PCDHA4: variants seen among roughly 807,000 people sequenced by gnomAD.
PCDHA4 encodes the protein protocadherin alpha 4, also known as protocadherin alpha-4.
In PCDHA4, 49 loss-of-function variants were observed where a neutral mutation model predicts 61.4. That is an observed-to-expected ratio of 0.80 (90% confidence interval 0.63 to 1.01). The LOEUF (loss-of-function observed/expected upper bound fraction) is 1.01. Ranked by LOEUF, PCDHA4 falls within the 50% of genes least tolerant of loss-of-function variation. The probability of loss-of-function intolerance (pLI) is 0.00; values close to 1 mark genes in which losing one functional copy is unlikely to be tolerated. For synonymous variants in PCDHA4, 590 were observed against 550.3 expected, an observed-to-expected ratio of 1.07 and a Z score of -1.01; for missense variants, 1,254 against 1,235.8, an observed-to-expected ratio of 1.01 and a Z score of -0.22.
rs1764306295 is a variant in PCDHA4, at chr5:140,808,927, G to T, written c.1740G>T (p.Leu580=). The T allele has an allele frequency of 6.2e-7, 1 of 1,613,590 alleles. No homozygotes were observed. The highest frequency in any genetic ancestry group is 1.3e-5 in the African/African-American group (1 of 74,938). ...GCACTGGTGGCGCAGTGAGCGAGCT[G>T]GTGCCATGGTCGGTGGGTGTGGGCC... is the stretch of plus-strand genomic sequence containing the variant. ...AGGTGGAVSE[L]VPWSVGVGHV... Residue 580 remains leucine, a synonymous_variant, in exon 1 of 4, where the codon CTG becomes CTT. Coordinates refer to ENST00000530339, the MANE Select transcript of PCDHA4 (RefSeq NM_018907.4).
intron 1 of PCDHA4, among the ~76,000 whole-genome samples, chr5:140,844,363 T>A (rs1464433937): frequency 6.7e-6 from 1 of 149,592 alleles, no homozygotes; most frequent in Non-Finnish European, 1.5e-5. Context: ...GGAAGAGATT[T>A]GTAATCCTTC....
At chr5:140,969,638 G>A (rs1461834971) in intron 1 of PCDHA4, 1 of 210,658 alleles carries the variant, frequency 4.7e-6, no homozygotes, top group African/African-American at 2.4e-5. Context: ...ACAGGCCTTG[G>A]AATAGGGATT....
intron 1 of PCDHA4, chr5:140,830,232 C>T (rs782042680): frequency 1.9e-6 from 3 of 1,613,928 alleles, no homozygotes; most frequent in East Asian, 2.2e-5. Context: ...CTGGTCCTCA[C>T]GCTACTGCTG....
chr5:140,870,554 A>G (rs1554164402), intron 1 of PCDHA4: 1 of 1,614,044 alleles, frequency 6.2e-7, no homozygotes, highest in Non-Finnish European at 8.5e-7. Flanking sequence ...GCGGACGCGC[A>G]GGAGAACGCG....
Position 140,849,589 on chromosome 5 carries a change from T to C in PCDHA4, c.2385+40017T>C, listed in dbSNP as rs2150441752. On this transcript the variant is annotated intron_variant, in intron 1 of 3. Transcript: ENST00000530339. The stretch of plus-strand genomic sequence containing the variant: ...GTTCCTGTAAAAGAGGACGCACAAC[T>C]GGGGACAGTTATTGCCCTGATTAGT... 3.8e-6 allele frequency: 6 copies of C among 1,598,582 alleles called. No individual in the cohort carries two copies. The Admixed American group carries it at 6.7e-5, about 18-fold the overall frequency.
Position 140,808,686 on chromosome 5 carries a change from G to C in PCDHA4, c.1499G>C (p.Gly500Ala). Residue 500 changes from glycine (G) to alanine (A), a missense_variant, in exon 1 of 4, where the codon GGG becomes GCG. Transcript: ENST00000530339. ...TACTCGCTGGTAGAGCGGCGGGTAG[G>C]GGAGCGCGCGCTGTCGAGCTACGTT... ...VSYSLVERRV[G>A]ERALSSYVSV... The C allele has an allele frequency of 6.2e-7, 1 of 1,612,398 alleles. No individual in the cohort carries two copies. Among genetic ancestry groups the C allele is most frequent in the Non-Finnish European group, 8.5e-7 (1 of 1,179,824 alleles).
chr5:140,856,146 C>CA, intron 1 of PCDHA4: 2 of 1,598,308 alleles, frequency 1.3e-6, no homozygotes, highest in Non-Finnish European at 1.7e-6. Context: ...CTCCACTACT[C>CA]AGTCTACGAG....
intron 3 of PCDHA4, among the ~76,000 whole-genome samples, chr5:140,995,258 A>C (rs2097672609): frequency 6.6e-6 from 1 of 152,164 alleles, no homozygotes; most frequent in Non-Finnish European, 1.5e-5. Flanking sequence ...AGGGTACTTG[A>C]ATACAAGCCC....
At chr5:140,869,453 T>C in intron 1 of PCDHA4, 1 of 1,614,214 alleles carries the variant, frequency 6.2e-7, no homozygotes, top group Non-Finnish European at 8.5e-7. Flanking sequence ...CTGCAGGTTT[T>C]CCATGTGAAC....
At chr5:140,992,606 G>A (rs1554253052) in intron 3 of PCDHA4, among the ~76,000 whole-genome samples, 1 of 152,188 alleles carries the variant, frequency 6.6e-6, no homozygotes. Flanking sequence ...CTGTGTCTAA[G>A]TGAAAGCAGA....
chr5:140,928,161 C>T (rs155820), intron 1 of PCDHA4: 1 of 1,613,960 alleles, frequency 6.2e-7, no homozygotes, highest in South Asian at 1.1e-5. Context: ...GTGGCTCACC[C>T]CCACTTAGCA....
intron 1 of PCDHA4, among the ~76,000 whole-genome samples, chr5:140,895,352 G>A (rs1322887367): frequency 7.9e-5 from 12 of 151,916 alleles, no homozygotes; most frequent in African/African-American, 2.9e-4. Flanking sequence ...GCTTTCCAGT[G>A]AGTACTTATT....
chr5:140,927,235 C>T (rs1478545930), intron 1 of PCDHA4: 7 of 1,614,034 alleles, frequency 4.3e-6, no homozygotes, highest in Non-Finnish European at 5.9e-6. Flanking sequence ...GATTCACGTC[C>T]TGGACACCAA....
At chr5:140,982,589 T>C in intron 3 of PCDHA4, 26 bp downstream of exon 3, 1 of 1,610,940 alleles carries the variant, frequency 6.2e-7, no homozygotes, top group Non-Finnish European at 8.5e-7. Context: ...CTCTCCATTC[T>C]TTCTTGGTTT....
At chr5:140,861,560 C>T in intron 1 of PCDHA4, 2 of 391,164 alleles carry the variant, frequency 5.1e-6, no homozygotes, top group African/African-American at 2.1e-5. Flanking sequence ...TGATCGTGGA[C>T]AAGCTGCTAC....
intron 1 of PCDHA4, among the ~76,000 whole-genome samples, chr5:140,947,169 G>GTA (rs1235035694): frequency 1.3e-5 from 2 of 150,968 alleles, no homozygotes; most frequent in Non-Finnish European, 3.0e-5. Context: ...AGAAAATGTG[G>GTA]TATATATTCA....
intron 1 of PCDHA4, chr5:140,828,247 G>A: frequency 5.0e-6 from 8 of 1,613,980 alleles, no homozygotes; most frequent in Non-Finnish European, 6.8e-6. Flanking sequence ...CGCAGGACCT[G>A]GGGCTGGAGC....
rs782026939 is a variant in PCDHA4, at chr5:140,883,016, A to T, written c.2385+73444A>T. 6.8e-6 allele frequency: 11 copies of T among 1,614,158 alleles called. No individual in the cohort carries two copies. The Admixed American group carries it at 1.7e-4, about 24-fold the overall frequency. On this transcript the variant is annotated intron_variant, in intron 1 of 3. Coordinates refer to ENST00000530339, the MANE Select transcript of PCDHA4 (RefSeq NM_018907.4). ...ATTTTACCAATCCGTTTATAAAGTG[A>T]CGGTGTTAGAGAACGCCTTCAATGG...
chr5:140,960,628 T>C (rs1474502656), intron 1 of PCDHA4, among the ~76,000 whole-genome samples: 1 of 152,192 alleles, frequency 6.6e-6, no homozygotes, highest in Non-Finnish European at 1.5e-5. Context: ...TTTTGAAATA[T>C]ATTTTTAAAA....
Sources: allele counts gnomAD v4.1 joint callset (sites outside exome capture counted in the v4.1 genomes callset), GRCh38; gene constraint gnomAD v4.1.1; transcripts MANE v1.5; gene names NCBI Gene and HGNC (gene_info 2026-07-23, HGNC 2026-07-21).